KIAA1549: variants seen among roughly 807,000 people sequenced by gnomAD.
KIAA1549 encodes KIAA1549, also known as UPF0606 protein KIAA1549.
In KIAA1549, 70 loss-of-function variants were observed where a neutral mutation model predicts 156.4. That is an observed-to-expected ratio of 0.45 (90% CI 0.37 to 0.55). KIAA1549 has a LOEUF of 0.55. Ranked by LOEUF, KIAA1549 falls within the 20% of genes least tolerant of loss-of-function variation. The pLI, the probability that KIAA1549 is intolerant of heterozygous loss-of-function variation, is 0.00. For missense variants in KIAA1549, 2,428 were observed against 2,540.9 expected (o/e 0.96, Z 0.96); for synonymous variants, 1,103 against 1,066.4 (o/e 1.03, Z -0.67).
chr7:138,882,046 C>T (rs773139729), intron 10 of KIAA1549, among the ~76,000 whole-genome samples: 41 of 152,174 alleles, frequency 2.7e-4, no homozygotes, highest in East Asian at 3.9e-4. Flanking sequence ...CATAGGAGCA[C>T]GAGAGAAAAG....
chr7:138,951,659 AC>A (rs376262373), intron 1 of KIAA1549, among the ~76,000 whole-genome samples: 29 of 152,322 alleles, frequency 1.9e-4, no homozygotes, highest in African/African-American at 2.9e-4. Flanking sequence ...TTTATAAAGT[AC>A]CCAAAACTTA....
intron 5 of KIAA1549, among the ~76,000 whole-genome samples, chr7:138,908,669 G>A (rs1429875007): frequency 6.6e-6 from 1 of 152,196 alleles, no homozygotes; most frequent in Non-Finnish European, 1.5e-5. Context: ...GGAAACAACA[G>A]TATGGGTAGG....
At chr7:138,916,683 C>T (rs1481805809) in intron 2 of KIAA1549, 65 bp downstream of exon 2, 1 of 1,580,552 alleles carries the variant, frequency 6.3e-7, no homozygotes, top group Non-Finnish European at 8.6e-7. Flanking sequence ...GCCTCACAGG[C>T]ACTGCACACA....
At chr7:138,929,450 T>C (rs1237668437) in intron 1 of KIAA1549, among the ~76,000 whole-genome samples, 2 of 152,220 alleles carry the variant, frequency 1.3e-5, no homozygotes, top group African/African-American at 2.4e-5. Flanking sequence ...CTGCAGTGAC[T>C]TCCTCCACTG....
chr7:138,975,962 C>A (rs1179937230), intron 1 of KIAA1549, among the ~76,000 whole-genome samples: 2 of 152,204 alleles, frequency 1.3e-5, no homozygotes, highest in Non-Finnish European at 2.9e-5. Flanking sequence ...TGTTCCCAAA[C>A]GGGCAGGAGT....
intron 15 of KIAA1549, 134 bp from the exon 16 acceptor site, chr7:138,861,590 C>A: frequency 2.7e-6 from 2 of 737,490 alleles, no homozygotes; most frequent in Non-Finnish European, 4.4e-6. Context: ...CAGTGGCTCA[C>A]ACCTTTAATT....
chr7:138,899,138 A>G lies in KIAA1549; in HGVS notation c.3670-6T>C. 1.2e-6 allele frequency: 2 copies of G among 1,613,182 alleles called. No individual in the cohort carries two copies. The highest frequency in any genetic ancestry group is 1.7e-6 in the Non-Finnish European group (2 of 1,179,294). Reference sequence around the variant, plus strand: ...AGCCTCGACACATTTACCACCTGAAAGATAGCAGAAACCATTCACATTGCA... The same window carrying G: ...AGCCTCGACACATTTACCACCTGAAGGATAGCAGAAACCATTCACATTGCA... On this transcript the variant is annotated splice_polypyrimidine_tract_variant and splice_region_variant and intron_variant, in intron 8 of 19. Coordinates refer to ENST00000422774, the MANE Select transcript of KIAA1549 (RefSeq NM_001164665.2).
At chr7:138,872,237 G>A (rs1212946066) in intron 12 of KIAA1549, among the ~76,000 whole-genome samples, 13 of 152,060 alleles carry the variant, frequency 8.5e-5, no homozygotes, top group African/African-American at 1.4e-4. Flanking sequence ...AGGAGCCACC[G>A]GGCCCGGCGC....
chr7:138,942,898 G>C (rs1584773862), intron 1 of KIAA1549, among the ~76,000 whole-genome samples: 1 of 136,400 alleles, frequency 7.3e-6, no homozygotes, highest in Non-Finnish European at 1.5e-5. Context: ...GACAGAGCAA[G>C]ACTCCGTCTC....
chr7:138,882,898 G>A (rs1011146635), intron 10 of KIAA1549, among the ~76,000 whole-genome samples: 31 of 151,966 alleles, frequency 2.0e-4, no homozygotes, highest in African/African-American at 7.3e-4. Context: ...CCCTGAGCCT[G>A]CAACTAGGGA....
In KIAA1549 at chr7:138,916,776, T is replaced by C; in HGVS notation, c.2850A>G (p.Thr950=). The C allele has an allele frequency of 1.2e-6, 2 of 1,613,974 alleles. No individual in the cohort carries two copies. The highest frequency in any genetic ancestry group is 1.7e-6 in the Non-Finnish European group (2 of 1,179,864). ...TTGTGATCAGATAGGCATCGGGGACTGTGATATCACAAACATATGGCGGCT... is the reference window on the plus strand; with the variant it reads ...TTGTGATCAGATAGGCATCGGGGACCGTGATATCACAAACATATGGCGGCT... The part of the protein sequence containing the change: ...TAKPPYVCDI[T]VPDAYLITTV... Residue 950 remains threonine, a synonymous_variant, in exon 2 of 20, where the codon ACA becomes ACG. Coordinates refer to ENST00000422774, the MANE Select transcript of KIAA1549 (RefSeq NM_001164665.2).
rs142707534 is a variant in KIAA1549 at position 138,875,880 on chromosome 7, C to T, written c.4345+3658G>A. On this transcript the variant is annotated intron_variant, in intron 12 of 19. Coordinates refer to ENST00000422774, the MANE Select transcript of KIAA1549 (RefSeq NM_001164665.2). ...ATGCAATCACAGATCACTGCAGCCTCGACCTCCCAGGCTCAAGCGATCCTC... is the reference window on the plus strand; with the variant it reads ...ATGCAATCACAGATCACTGCAGCCTTGACCTCCCAGGCTCAAGCGATCCTC... Among the ~76,000 whole-genome samples the T allele has an allele frequency of 4.9e-3, 747 of 151,962 alleles. 7 individuals are homozygous for T. Among genetic ancestry groups the T allele is most frequent in the African/African-American group, 0.017 (722 of 41,458 alleles).
At chr7:138,923,021 T>C (rs1812607013) in intron 1 of KIAA1549, among the ~76,000 whole-genome samples, 1 of 150,740 alleles carries the variant, frequency 6.6e-6, no homozygotes, top group African/African-American at 2.4e-5. Context: ...CAAAGAGAAA[T>C]TGTAAAAGCA....
intron 11 of KIAA1549, among the ~76,000 whole-genome samples, chr7:138,880,216 G>T (rs1811203417): frequency 6.6e-6 from 1 of 152,126 alleles, no homozygotes; most frequent in African/African-American, 2.4e-5. Flanking sequence ...ATGACAATGT[G>T]GAATGCCAAG....
chr7:138,869,295 T>G (rs1256356157), intron 14 of KIAA1549, among the ~76,000 whole-genome samples: 1 of 152,196 alleles, frequency 6.6e-6, no homozygotes, highest in Non-Finnish European at 1.5e-5. Flanking sequence ...GGGGCAGAGT[T>G]GAGAACAAAG....
intron 10 of KIAA1549, among the ~76,000 whole-genome samples, chr7:138,891,875 A>T (rs963212938): frequency 1.3e-5 from 2 of 152,178 alleles, no homozygotes; most frequent in African/African-American, 4.8e-5. Context: ...TGGCCACATG[A>T]CCTTAAAAGA....
chr7:138,838,721 G>T (rs1335291299), intron 19 of KIAA1549, among the ~76,000 whole-genome samples: 2 of 152,020 alleles, frequency 1.3e-5, no homozygotes, highest in Non-Finnish European at 2.9e-5. Flanking sequence ...GCATTTATAT[G>T]TAAGAGTACT....
intron 1 of KIAA1549, among the ~76,000 whole-genome samples, chr7:138,933,757 G>A (rs567024949): frequency 6.6e-6 from 1 of 152,342 alleles, no homozygotes; most frequent in African/African-American, 2.4e-5. Flanking sequence ...CCTGAGGTCA[G>A]GAGTTCAAGA....
intron 15 of KIAA1549, among the ~76,000 whole-genome samples, chr7:138,867,493 T>C (rs1235531609): frequency 6.6e-6 from 1 of 151,268 alleles, no homozygotes; most frequent in African/African-American, 2.4e-5. Flanking sequence ...AGGCTGAGGC[T>C]ACAGTGAGCC....
Sources: allele counts gnomAD v4.1 joint callset (sites outside exome capture counted in the v4.1 genomes callset), GRCh38; gene constraint gnomAD v4.1.1; transcripts MANE v1.5; gene names NCBI Gene and HGNC (gene_info 2026-07-23, HGNC 2026-07-21).